HGSNAT: variants seen among roughly 807,000 people sequenced by gnomAD.
The protein encoded by HGSNAT is transmembrane protein 76.
In HGSNAT, 59 loss-of-function variants were observed where a neutral mutation model predicts 85.2. That is an observed-to-expected ratio of 0.69 (90% CI 0.56 to 0.86). The LOEUF is 0.86. HGSNAT is among the 40% of genes least tolerant of loss of function. The probability of loss-of-function intolerance (pLI) is 0.00; values close to 1 mark genes in which losing one functional copy is unlikely to be tolerated. For missense variants in HGSNAT, 756 were observed against 777.1 expected, an observed-to-expected ratio of 0.97 and a Z score of 0.32; for synonymous variants, 321 against 304.5, an observed-to-expected ratio of 1.05 and a Z score of -0.56.
chr8:43,172,423 G>A (rs772667253), intron 8 of HGSNAT, 37 bp downstream of exon 8: 123 of 1,380,484 alleles, frequency 8.9e-5, no homozygotes, highest in Non-Finnish European at 1.2e-4. Flanking sequence ...GCTTATATAC[G>A]TCCTTCACAG....
chr8:43,159,072 A>T (rs1803187555), intron 4 of HGSNAT, 28 bp downstream of exon 4: 3 of 1,595,300 alleles, frequency 1.9e-6, no homozygotes, highest in Admixed American at 1.7e-5. Context: ...GCTGATTTTC[A>T]CATTTGCATT....
At chr8:43,162,984 G>A (rs1440489132) in intron 5 of HGSNAT, among the ~76,000 whole-genome samples, 1 of 152,086 alleles carries the variant, frequency 6.6e-6, no homozygotes, top group African/African-American at 2.4e-5. Flanking sequence ...TCAGGAGTTT[G>A]AGACCAGCCT....
At position 43,192,443 on chromosome 8, in the gene HGSNAT, C is replaced by T; in HGVS notation, c.1377+13C>T. On this transcript the variant is annotated intron_variant, in intron 13 of 17. Transcript: ENST00000379644. ...CCCATCTTCTGCTGTGAGTGAGACT[C>T]GAGTTCGCTTAGAACTGGAACTCAG... The T allele has an allele frequency of 7.5e-6, 12 of 1,599,348 alleles. No homozygotes were observed. Among genetic ancestry groups the T allele is most frequent in the Non-Finnish European group, 1.0e-5 (12 of 1,172,204 alleles).
chr8:43,188,236 T>G (rs1347477263), intron 11 of HGSNAT, among the ~76,000 whole-genome samples: 1 of 152,170 alleles, frequency 6.6e-6, no homozygotes. Flanking sequence ...CCTGAAGAGT[T>G]TTTTCCGACT....
intron 1 of HGSNAT, among the ~76,000 whole-genome samples, chr8:43,145,757 AAAGAAAGAAAGAGGG>A (rs1466143695): frequency 1.3e-5 from 2 of 152,030 alleles, no homozygotes; most frequent in African/African-American, 4.8e-5. Context: ...TTTAAAAAAA[AAAGAAAGAAAGAGGG>A]ATTGAGCTGG....
Position 43,202,074 on chromosome 8 carries a change from T to G in HGSNAT, c.*2505T>G, listed in dbSNP as rs1298054198. 2 of 152,890 alleles carry G rather than the reference T, an allele frequency of 1.3e-5. No homozygotes were observed. Among genetic ancestry groups the G allele is most frequent in the Non-Finnish European group, 2.9e-5 (2 of 68,112 alleles). 9.5% of individuals were successfully genotyped at this position (152,890 alleles called of 1,614,324 possible). A position where few individuals can be genotyped will look rare whatever the true frequency, so the allele number is the denominator to read the frequency against. On this transcript the variant is annotated 3_prime_UTR_variant, in exon 18 of 18. Transcript: ENST00000379644. ...TCTCAAACTGTGGGTTACATCAACT[T>G]GGGTGTCTTGAGCTGTAAGGAAGGA...
chr8:43,147,813 G>A (rs1163954799), intron 2 of HGSNAT, among the ~76,000 whole-genome samples: 2 of 152,242 alleles, frequency 1.3e-5, no homozygotes, highest in Middle Eastern at 3.4e-3. Flanking sequence ...CTATAGGGCT[G>A]AAAAATTACC....
chr8:43,175,065 C>A (rs1803762554), intron 9 of HGSNAT, among the ~76,000 whole-genome samples: 1 of 152,148 alleles, frequency 6.6e-6, no homozygotes, highest in Non-Finnish European at 1.5e-5. Context: ...GACAGGATCT[C>A]ATTCTTTTTT....
chr8:43,140,582 CG>C lies in HGSNAT; in HGVS notation c.90del (p.Arg31AlafsTer11). 2 of 1,232,664 alleles carry C rather than the reference CG, an allele frequency of 1.6e-6. No homozygotes were observed. Among genetic ancestry groups the C allele is most frequent in the Non-Finnish European group, 2.0e-6 (2 of 980,170 alleles). 76.4% of individuals were successfully genotyped at this position (1,232,664 alleles called of 1,614,324 possible). A position where few individuals can be genotyped will look rare whatever the true frequency, so the allele number is the denominator to read the frequency against. ...SAALLAPGGSSGRDAQAAPPR... is the reference protein window; with the variant it reads ...SAALLAPGGSXGRDAQAAPPR... ...GCGCTGCTGGCCCCCGGCGGCTCTT[CG>C]GGGCGCGATGCCCAGGCCGCGCCGC... is the stretch of plus-strand genomic sequence containing the variant. On this transcript the variant is annotated frameshift_variant, in exon 1 of 18. Coordinates refer to ENST00000379644, the MANE Select transcript of HGSNAT (RefSeq NM_152419.3). LOFTEE classifies it high-confidence loss of function.
chr8:43,141,373 G>T (rs1344787489), intron 1 of HGSNAT, among the ~76,000 whole-genome samples: 1 of 152,148 alleles, frequency 6.6e-6, no homozygotes, highest in East Asian at 1.9e-4. Context: ...TTTGTCCGGT[G>T]CGCTGGCTTA....
In HGSNAT at chr8:43,147,073, A is replaced by C. The variant is rs1802742419; in HGVS notation, c.234+10A>C. The C allele has an allele frequency of 6.7e-7, 1 of 1,491,678 alleles. No homozygotes were observed. Among genetic ancestry groups the C allele is most frequent in the African/African-American group, 1.4e-5 (1 of 71,912 alleles). The allele number at this position is 1,491,678 out of a possible 1,614,324, so 92.4% of individuals were successfully genotyped here. A position where few individuals can be genotyped will look rare whatever the true frequency, so the allele number is the denominator to read the frequency against. ...TGAATGCTGTTATCACGTATGTATC[A>C]GTTCACACTCAGTTCTGTTTGCTTT... On this transcript the variant is annotated intron_variant, in intron 2 of 17. Coordinates refer to ENST00000379644, the MANE Select transcript of HGSNAT (RefSeq NM_152419.3).
Position 43,178,088 on chromosome 8 carries a change from T to C in HGSNAT, c.866T>C (p.Met289Thr). The stretch of plus-strand genomic sequence containing the variant: ...ATTCTTTTTAGGTTTGTATTTATTA[T>C]GGGATCTTCCATTTTTCTATCGATG... Reference protein sequence around the residue: ...DLVFPWFVFIMGSSIFLSMTS... With the variant: ...DLVFPWFVFITGSSIFLSMTS... The change falls in exon 10 of 18, where the codon ATG (methionine) becomes ACG (threonine). Residue 289 changes from methionine (M) to threonine (T), a missense_variant. Met to Thr is a moderately conservative substitution (Grantham distance 81, BLOSUM62 -1). Coordinates refer to ENST00000379644, the MANE Select transcript of HGSNAT (RefSeq NM_152419.3). 1 of 1,613,098 alleles carries C rather than the reference T, an allele frequency of 6.2e-7. No homozygotes were observed. Among genetic ancestry groups the C allele is most frequent in the South Asian group, 1.1e-5 (1 of 90,724 alleles).
At chr8:43,148,182 C>T (rs978675154) in intron 2 of HGSNAT, among the ~76,000 whole-genome samples, 7 of 151,822 alleles carry the variant, frequency 4.6e-5, no homozygotes, top group African/African-American at 7.3e-5. Context: ...GTGGAGGTTG[C>T]AGTGAGCCGA....
intron 6 of HGSNAT, among the ~76,000 whole-genome samples, chr8:43,169,486 C>T (rs1464784888): frequency 2.0e-5 from 3 of 152,206 alleles, no homozygotes; most frequent in Non-Finnish European, 2.9e-5. Flanking sequence ...AGACATTTTT[C>T]ACTCTGCAGG....
At chr8:43,156,416 C>T (rs1803096557) in intron 2 of HGSNAT, among the ~76,000 whole-genome samples, 1 of 152,256 alleles carries the variant, frequency 6.6e-6, no homozygotes, top group South Asian at 2.1e-4. Context: ...AGTGATTTTC[C>T]TGCCTCAGCC....
chr8:43,175,557 C>CTTTTTTTTTTT (rs572939859), intron 9 of HGSNAT, among the ~76,000 whole-genome samples: 1 of 63,128 alleles, frequency 1.6e-5, no homozygotes, highest in Non-Finnish European at 3.1e-5. Context: ...CTTTTGTCCT[C>CTTTTTTTTTTT]TTTTTTTTTT....
At chr8:43,189,939 G>A (rs1030912811) in intron 11 of HGSNAT, among the ~76,000 whole-genome samples, 1 of 152,182 alleles carries the variant, frequency 6.6e-6, no homozygotes, top group African/African-American at 2.4e-5. Flanking sequence ...CCAGCATCCA[G>A]TTTGCTGGTT....
intron 10 of HGSNAT, among the ~76,000 whole-genome samples, chr8:43,181,043 G>C (rs1251741070): frequency 1.8e-5 from 2 of 111,168 alleles, no homozygotes; most frequent in African/African-American, 6.9e-5. Flanking sequence ...GATGGCAGCA[G>C]TACCGTCCAG....
chr8:43,169,893 T>G (rs1803558720), intron 6 of HGSNAT, among the ~76,000 whole-genome samples: 1 of 152,144 alleles, frequency 6.6e-6, no homozygotes, highest in Admixed American at 6.5e-5. Context: ...TGGTCTCAAC[T>G]CGCTGCAGCC....
Sources: allele counts gnomAD v4.1 joint callset (sites outside exome capture counted in the v4.1 genomes callset), GRCh38; gene constraint gnomAD v4.1.1; transcripts MANE v1.5; gene names NCBI Gene and HGNC (gene_info 2026-07-23, HGNC 2026-07-21).